The following SFTPD variants were observed in gnomAD, a reference collection of about 807,000 sequenced individuals.
SFTPD encodes the protein surfactant protein D, also known as pulmonary surfactant-associated protein D.
In SFTPD, 18 loss-of-function variants were observed where a neutral mutation model predicts 34.6. The ratio of observed to expected loss-of-function variants is 0.52; its 90% confidence interval spans 0.36 to 0.77. The LOEUF is 0.77. Ranked by LOEUF, SFTPD falls within the 30% of genes least tolerant of loss-of-function variation. The probability of loss-of-function intolerance (pLI) is 0.00; values close to 1 mark genes in which losing one functional copy is unlikely to be tolerated. For missense variants in SFTPD, 433 were observed against 468.9 expected (o/e 0.92, Z 0.71); for synonymous variants, 155 against 180.9 (o/e 0.86, Z 1.15).
chr10:79,940,749 C>T lies in SFTPD; in HGVS notation c.707G>A (p.Gly236Glu), dbSNP rs1313938585. ...AGCAGCCTGGAGGTGCTGTACTTGT[C>T]CCTGTAAGGCCTCAACCTGCTGCCT... ...SLRQQVEALQ[G>E]QVQHLQAAFS... Residue 236 changes from glycine to glutamate, a missense_variant, in exon 7 of 8, where the codon GGA becomes GAA. Gly to Glu is a moderately conservative substitution (Grantham distance 98). Transcript: ENST00000372292. The T allele has an allele frequency of 1.2e-6, 2 of 1,612,326 alleles. No homozygotes were observed. Among genetic ancestry groups the T allele is most frequent in the East Asian group, 2.2e-5 (1 of 44,872 alleles).
intron 1 of SFTPD, among the ~76,000 whole-genome samples, chr10:79,958,729 G>C (rs1189946257): frequency 2.0e-5 from 3 of 152,184 alleles, no homozygotes; most frequent in Non-Finnish European, 4.4e-5. Context: ...ACATTAGACA[G>C]ATCAACAAGA....
At chr10:79,950,621 C>G (rs1423600959), upstream of SFTPD, 1 of 152,222 alleles carries the variant, frequency 6.6e-6, no homozygotes, top group African/African-American at 2.4e-5. Context: ...TGTTTTCCTT[C>G]ACATTGACTT....
At chr10:79,969,211 C>T in intron 1 of SFTPD, 1 of 152,310 alleles carries the variant, frequency 6.6e-6, no homozygotes, top group Non-Finnish European at 1.5e-5. Context: ...CATGGTGGCT[C>T]AAGCCTGTAA....
chr10:79,954,160 GGTTT>G (rs1842726425), intron 1 of SFTPD, among the ~76,000 whole-genome samples: 1 of 144,530 alleles, frequency 6.9e-6, no homozygotes, highest in African/African-American at 2.6e-5. Flanking sequence ...AGCAGATTGT[GGTTT>G]GGTTTGGTTC....
intron 1 of SFTPD, among the ~76,000 whole-genome samples, chr10:79,974,675 A>C (rs1428783360): frequency 6.6e-6 from 1 of 152,200 alleles, no homozygotes; most frequent in African/African-American, 2.4e-5. Flanking sequence ...CTACTTCAAC[A>C]ATCCCGTCAC....
intron 6 of SFTPD, among the ~76,000 whole-genome samples, 181 bp downstream of exon 6, chr10:79,941,217 T>C (rs1462152518): frequency 6.6e-6 from 1 of 152,200 alleles, no homozygotes; most frequent in African/African-American, 2.4e-5. Flanking sequence ...GAGTACTAAG[T>C]GGCTAAGACC....
chr10:79,951,686 G>A (rs1376592149), upstream of SFTPD, among the ~76,000 whole-genome samples: 4 of 152,190 alleles, frequency 2.6e-5, no homozygotes, highest in Non-Finnish European at 4.4e-5. Flanking sequence ...CCCAATAAAA[G>A]CTGGCTGTGG....
At chr10:79,940,868 G>T in intron 6 of SFTPD, 80 bp from the exon 7 acceptor site, 2 of 943,570 alleles carry the variant, frequency 2.1e-6, no homozygotes, top group South Asian at 1.3e-5. Flanking sequence ...CAAAGGAAGG[G>T]TGTCTAGTTT....
chr10:79,946,434 C>T (rs371277895), intron 2 of SFTPD, 27 bp downstream of exon 2: 7 of 1,550,908 alleles, frequency 4.5e-6, no homozygotes, highest in Non-Finnish European at 5.3e-6. Flanking sequence ...TCCTCCCCAG[C>T]AGGATAAGCC....
upstream of SFTPD, among the ~76,000 whole-genome samples, chr10:79,952,990 T>C (rs751456595): frequency 3.2e-4 from 49 of 152,370 alleles, no homozygotes; most frequent in Non-Finnish European, 5.7e-4. Context: ...CTATGTTCCT[T>C]GGAAGTCAAT....
Position 79,946,548 on chromosome 10 carries a change from C to G in SFTPD, c.112G>C (p.Val38Leu), listed in dbSNP as rs762699305. The change falls in exon 2 of 8, where the codon GTC becomes CTC. Residue 38 changes from valine (V) to leucine (L), a missense_variant. Physicochemically the swap from Val to Leu is conservative, Grantham distance 32. Coordinates refer to ENST00000372292, the MANE Select transcript of SFTPD (RefSeq NM_003019.5). Reference sequence around the variant, plus strand: ...CCACTCTCCACTGAGCTACACATGACCAGGGTGCAAGCACTGGGCATTGTT... The same window carrying G: ...CCACTCTCCACTGAGCTACACATGAGCAGGGTGCAAGCACTGGGCATTGTT... ...HRTMPSACTLVMCSSVESGLP... is the reference protein window; with the variant it reads ...HRTMPSACTLLMCSSVESGLP... The G allele has an allele frequency of 3.1e-6, 5 of 1,614,176 alleles. No homozygotes were observed. The highest frequency in any genetic ancestry group is 4.2e-6 in the Non-Finnish European group (5 of 1,180,018).
At chr10:79,954,314 T>C (rs962583083) in intron 1 of SFTPD, among the ~76,000 whole-genome samples, 6 of 152,198 alleles carry the variant, frequency 3.9e-5, no homozygotes, top group Non-Finnish European at 8.8e-5. Flanking sequence ...TCTGGGTAGG[T>C]TGGCTGATAG....
chr10:79,958,226 G>A lies in SFTPD; in HGVS notation c.37-11564C>T, dbSNP rs573423558. Among the ~76,000 whole-genome samples, 816 of 152,284 alleles carry A rather than the reference G, an allele frequency of 5.4e-3. 7 individuals carry two copies. Among genetic ancestry groups the A allele is most frequent in the Non-Finnish European group, 7.4e-3 (504 of 68,018 alleles). ...AAAATGTAAAGACCGTCAAGGCTAG[G>A]AAGAAACTGCATCAACTAACGAGCA... On this transcript the variant is annotated intron_variant, in intron 1 of 5. Coordinates refer to the SFTPD transcript ENST00000444384.
At chr10:79,955,131 A>G (rs1842731598) in intron 1 of SFTPD, among the ~76,000 whole-genome samples, 1 of 151,974 alleles carries the variant, frequency 6.6e-6, no homozygotes, top group African/African-American at 2.4e-5. Flanking sequence ...GTCTTTTCTC[A>G]TTCCTTTGAC....
At chr10:79,974,047 C>A (rs1487782142) in intron 1 of SFTPD, among the ~76,000 whole-genome samples, 2 of 152,170 alleles carry the variant, frequency 1.3e-5, no homozygotes, top group East Asian at 3.8e-4. Flanking sequence ...CACCCACACA[C>A]ACACAAATAG....
intron 1 of SFTPD, chr10:79,971,148 G>T (rs1842832267): frequency 6.6e-6 from 1 of 151,976 alleles, no homozygotes; most frequent in Admixed American, 6.6e-5. Flanking sequence ...CCATCATTTT[G>T]TAAGTGTTAT....
Position 79,946,342 on chromosome 10 carries a change from T to C in SFTPD, c.199+119A>G, listed in dbSNP as rs560629176. On this transcript the variant is annotated intron_variant, in intron 2 of 7. Transcript: ENST00000372292. ...TGGTGGAGCAGTGTGGAACTCGCCTTCTTGGGAGGAAGAAACACGTCTCCA... is the reference window on the plus strand; with the variant it reads ...TGGTGGAGCAGTGTGGAACTCGCCTCCTTGGGAGGAAGAAACACGTCTCCA... 2.8e-5 allele frequency: 22 copies of C among 782,018 alleles called. No homozygotes were observed. In the African/African-American group the frequency reaches 3.7e-4, roughly 13 times the overall value. The allele number at this position is 782,018 out of a possible 1,614,324, so 48.4% of individuals were successfully genotyped here. A position where few individuals can be genotyped will look rare whatever the true frequency, so the allele number is the denominator to read the frequency against.
At chr10:79,979,748 A>C (rs1842880845) in intron 1 of SFTPD, among the ~76,000 whole-genome samples, 1 of 152,206 alleles carries the variant, frequency 6.6e-6, no homozygotes, top group South Asian at 2.1e-4. Flanking sequence ...GCAAGTCCCT[A>C]TGCTAGCTGG....
intron 1 of SFTPD, among the ~76,000 whole-genome samples, chr10:79,979,231 T>C (rs926245201): frequency 2.0e-5 from 3 of 152,070 alleles, no homozygotes; most frequent in Non-Finnish European, 4.4e-5. Flanking sequence ...AAAACATTGA[T>C]AAAAAATTGA....
Sources: allele counts gnomAD v4.1 joint callset (sites outside exome capture counted in the v4.1 genomes callset), GRCh38; gene constraint gnomAD v4.1.1; transcripts MANE v1.5; gene names NCBI Gene and HGNC (gene_info 2026-07-23, HGNC 2026-07-21).